Variants in SLC4A5 observed in about 807,000 individuals in gnomAD.
The protein encoded by SLC4A5 is solute carrier family 4 member 5, also known as electrogenic sodium bicarbonate cotransporter 4.
In SLC4A5, 96 loss-of-function variants were observed where a neutral mutation model predicts 120.4. That is an observed-to-expected ratio of 0.80 (90% confidence interval 0.68 to 0.94). The LOEUF is 0.94. Ranked by LOEUF, SLC4A5 falls within the 40% of genes least tolerant of loss-of-function variation. The pLI is 0.00. For missense variants in SLC4A5, 1,259 were observed against 1,459.5 expected (o/e 0.86, Z 2.24); for synonymous variants, 550 against 571.1 (o/e 0.96, Z 0.53).
intron 5 of SLC4A5, chr2:74,319,540 T>G: frequency 6.6e-6 from 1 of 152,208 alleles, no homozygotes; most frequent in African/African-American, 2.4e-5. Flanking sequence ...TTAATATAGT[T>G]GCTTTCTTGG....
At chr2:74,268,171 C>CT (rs1348435221) in intron 8 of SLC4A5, among the ~76,000 whole-genome samples, 1 of 152,112 alleles carries the variant, frequency 6.6e-6, no homozygotes, top group East Asian at 1.9e-4. Context: ...AAGATACACT[C>CT]TGTTAATGTT....
At chr2:74,219,176 G>GGTGTGTGTGTGTGTGTGT (rs58141033) in intron 30 of SLC4A5, among the ~76,000 whole-genome samples, 3 of 134,260 alleles carry the variant, frequency 2.2e-5, no homozygotes, top group East Asian at 2.2e-4. Context: ...GCTCTTTGGA[G>GGTGTGTGTGTGTGTGTGT]GTGTGTGTGT....
chr2:74,278,330 T>G (rs1274552590), intron 8 of SLC4A5, among the ~76,000 whole-genome samples: 1 of 152,206 alleles, frequency 6.6e-6, no homozygotes, highest in Non-Finnish European at 1.5e-5. Context: ...TCTCACTCAC[T>G]GGCCAACTAA....
exon 15 of SLC4A5, chr2:74,252,990 G>A: frequency 6.2e-7 from 1 of 1,614,162 alleles, no homozygotes; most frequent in Non-Finnish European, 8.5e-7. Context: ...TCAGCAGAGG[G>A]CACCTTCTTG....
At position 74,269,378 on chromosome 2, in the gene SLC4A5, T is replaced by TG. The variant is rs76848524; in HGVS notation, c.402-4115_402-4114insC. ...CTGCCACCAGGCCCGGCTGTTTGTT[T>TG]TTTGTTTGTTTGTTTGTTTGTTTGT... On this transcript the variant is annotated intron_variant, in intron 8 of 30. Transcript: ENST00000394019. Among the ~76,000 whole-genome samples, 128 of 150,978 alleles carry TG rather than the reference T, an allele frequency of 8.5e-4. 1 individual carries two copies. The highest frequency in any genetic ancestry group is 2.7e-3 in the African/African-American group (109 of 40,888).
rs1670602119 is a variant in SLC4A5 at position 74,246,083 on chromosome 2, C to T, written c.2059+953G>A. Among the ~76,000 whole-genome samples the T allele has an allele frequency of 2.0e-5, 3 of 152,224 alleles. No individual in the cohort carries two copies. In the South Asian group the frequency reaches 6.2e-4, roughly 31 times the overall value. ...TGCAGCACCCTGGGCACTCTGGGCACATCCCACTGAAAGCTCTTAGGGGCA... is the reference window on the plus strand; with the variant it reads ...TGCAGCACCCTGGGCACTCTGGGCATATCCCACTGAAAGCTCTTAGGGGCA... On this transcript the variant is annotated intron_variant, in intron 19 of 30. Coordinates refer to ENST00000394019, the Ensembl canonical transcript of SLC4A5.
rs181491409 is a variant in SLC4A5, at chr2:74,331,403, T to C, written c.-70+2624A>G. Among the ~76,000 whole-genome samples the C allele has an allele frequency of 1.5e-3, 225 of 151,756 alleles. 1 individual carries two copies. The highest frequency in any genetic ancestry group is 8.5e-3 in the South Asian group (41 of 4,812). On this transcript the variant is annotated intron_variant, in intron 4 of 30. Transcript: ENST00000394019. Reference sequence around the variant, plus strand: ...TGTGGATGAGGGTGTGATGTGTAGATAGAGGTGGCAAGGTGTAGATGGAGG... The same window carrying C: ...TGTGGATGAGGGTGTGATGTGTAGACAGAGGTGGCAAGGTGTAGATGGAGG...
intron 7 of SLC4A5, among the ~76,000 whole-genome samples, chr2:74,293,755 C>T (rs1672245703): frequency 6.6e-6 from 1 of 152,176 alleles, no homozygotes; most frequent in African/African-American, 2.4e-5. Context: ...CTCTGCTTCC[C>T]CAAGCCAGTT....
At chr2:74,248,304 C>T in intron 18 of SLC4A5, 49 bp downstream of exon 18, 1 of 1,604,736 alleles carries the variant, frequency 6.2e-7, no homozygotes, top group Non-Finnish European at 8.5e-7. Context: ...CCCCAGCATA[C>T]TGCCCCAAAT....
intron 8 of SLC4A5, among the ~76,000 whole-genome samples, chr2:74,273,302 A>G (rs752371454): frequency 2.6e-5 from 4 of 152,186 alleles, no homozygotes; most frequent in Non-Finnish European, 5.9e-5. Context: ...TTGTTTGCAA[A>G]ATCCCCCCTA....
intron 16 of SLC4A5, among the ~76,000 whole-genome samples, chr2:74,251,564 C>T (rs1419911776): frequency 6.6e-6 from 1 of 152,124 alleles, no homozygotes; most frequent in Non-Finnish European, 1.5e-5. Flanking sequence ...AAGGTCCTAA[C>T]ATCTATGTAA....
intron 16 of SLC4A5, among the ~76,000 whole-genome samples, chr2:74,251,176 AC>A (rs1670778485): frequency 1.3e-5 from 2 of 151,954 alleles, no homozygotes; most frequent in Non-Finnish European, 2.9e-5. Flanking sequence ...TTTAGCAGCT[AC>A]CTACTAGATG....
At chr2:74,317,206 A>G (rs1672990867) in intron 5 of SLC4A5, among the ~76,000 whole-genome samples, 1 of 152,224 alleles carries the variant, frequency 6.6e-6, no homozygotes, top group African/African-American at 2.4e-5. Flanking sequence ...TGCAGGCTGT[A>G]ACCCTTTACA....
chr2:74,274,495 T>C (rs1016753510), intron 8 of SLC4A5, among the ~76,000 whole-genome samples: 6 of 152,348 alleles, frequency 3.9e-5, no homozygotes, highest in Admixed American at 2.0e-4. Context: ...ATTTGAAAGA[T>C]TATAAAGTAT....
chr2:74,243,875 G>A (rs966149316), intron 19 of SLC4A5, among the ~76,000 whole-genome samples: 3 of 152,192 alleles, frequency 2.0e-5, no homozygotes, highest in Non-Finnish European at 4.4e-5. Context: ...ACTTGGGATT[G>A]AAAGCAGCCA....
chr2:74,250,405 C>T (rs1330598180), exon 17 of SLC4A5: 8 of 1,614,072 alleles, frequency 5.0e-6, no homozygotes, highest in Middle Eastern at 1.6e-4. Context: ...GTGATACAGC[C>T]GAGGTAGATG....
At chr2:74,291,731 T>C (rs565733068) in intron 7 of SLC4A5, among the ~76,000 whole-genome samples, 2 of 152,266 alleles carry the variant, frequency 1.3e-5, no homozygotes, top group Admixed American at 6.5e-5. Flanking sequence ...CAGCCTCCCA[T>C]AGTGTTGGGA....
At chr2:74,220,327 AGTTGATCTCTGATGTTAGCTTTGAT>A (rs554561354) in intron 30 of SLC4A5, among the ~76,000 whole-genome samples, 39 of 151,936 alleles carry the variant, frequency 2.6e-4, no homozygotes, top group Admixed American at 1.8e-3. Flanking sequence ...TCCCATCTCC[AGTTGATCTCTGATGTTAGCTTTGAT>A]GTTGATCTCT....
chr2:74,220,327 A>AGTTGATCTCTGATGTTAGCTTTGAT (rs554561354), intron 30 of SLC4A5, among the ~76,000 whole-genome samples: 1,546 of 152,036 alleles, frequency 0.01, 18 homozygotes, highest in African/African-American at 0.036. Context: ...TCCCATCTCC[A>AGTTGATCTCTGATGTTAGCTTTGAT]GTTGATCTCT....
Sources: gnomAD v4.1 joint callset for allele counts (sites outside exome capture counted in the v4.1 genomes callset) on GRCh38, gnomAD v4.1.1 for gene constraint, MANE v1.5 for transcripts, NCBI Gene and HGNC (gene_info 2026-07-23, HGNC 2026-07-21) for gene names.